Variants in DNMBP observed in about 807,000 individuals in gnomAD.
The protein encoded by DNMBP is dynamin-binding protein.
DNMBP carries 87 observed loss-of-function variants against 150.0 expected under a neutral mutation model. The observed-to-expected ratio is 0.58, with a 90% CI of 0.49 to 0.69. The LOEUF (loss-of-function observed/expected upper bound fraction) is 0.69. DNMBP is among the 30% of genes least tolerant of loss of function. DNMBP has a pLI of 0.00. For missense variants in DNMBP, 1,774 were observed against 1,949.0 expected (o/e 0.91, Z 1.69); for synonymous variants, 711 against 750.4 (o/e 0.95, Z 0.86).
rs537303402 is a variant in DNMBP, at chr10:99,876,258, G to C, written c.*893C>G. ...GGGGGGCCACCAGACATCACAGACT[G>C]TGTAAAGACCATCAGAAAGGTGTCA... On this transcript the variant is annotated 3_prime_UTR_variant, in exon 17 of 17. Coordinates refer to ENST00000324109, the MANE Select transcript of DNMBP (RefSeq NM_015221.4). The C allele has an allele frequency of 6.6e-6, 1 of 152,290 alleles. No homozygotes were observed. The highest frequency in any genetic ancestry group is 6.5e-5 in the Admixed American group (1 of 15,298). 9.4% of individuals were successfully genotyped at this position (152,290 alleles called of 1,614,324 possible).
In DNMBP at chr10:99,955,343, C is replaced by T. The variant is rs774146697; in HGVS notation, c.2131G>A (p.Ala711Thr). 3.7e-6 allele frequency: 6 copies of T among 1,614,062 alleles called. No individual in the cohort carries two copies. In the African/African-American group the frequency reaches 4.0e-5, roughly 11 times the overall value. The change falls in exon 4 of 17, where the codon GCT becomes ACT. Residue 711 changes from alanine to threonine, a missense_variant. Around this residue, in one of 2 missense-constraint regions of DNMBP, gnomAD observed 1,430 missense variants for 1,492.5 expected, o/e 0.96. Coordinates refer to ENST00000324109, the MANE Select transcript of DNMBP (RefSeq NM_015221.4). ...MERDLDMYSR[A>T]QEELNLMLEE... Reference sequence around the variant, plus strand: ...AGCATGAGGTTTAGCTCTTCTTGAGCTCTACTGTACATATCCAAGTCCCGC... The same window carrying T: ...AGCATGAGGTTTAGCTCTTCTTGAGTTCTACTGTACATATCCAAGTCCCGC...
At chr10:99,901,267 A>T (rs908325471) in intron 6 of DNMBP, among the ~76,000 whole-genome samples, 3 of 152,168 alleles carry the variant, frequency 2.0e-5, no homozygotes, top group African/African-American at 7.2e-5. Context: ...AACCAAATGT[A>T]GCACTGAGTC....
intron 4 of DNMBP, among the ~76,000 whole-genome samples, chr10:99,941,137 G>A (rs149425631): frequency 0.017 from 2,550 of 152,124 alleles, 38 homozygotes; most frequent in African/African-American, 0.037. Flanking sequence ...CGCCCGCCTC[G>A]GCTTCCCAAA....
chr10:99,940,225 G>T (rs985034274), intron 4 of DNMBP, among the ~76,000 whole-genome samples: 2 of 152,314 alleles, frequency 1.3e-5, no homozygotes. Flanking sequence ...TAGATGCTAG[G>T]TAGAGGGCAA....
rs1464029517 is a variant in DNMBP at position 99,982,281 on chromosome 10, T to C, written c.-10-10147A>G. ...GCAACATGGTGAAATCCTGTCTCTA[T>C]AAAAACACAAAAATTAGCTGGGCGT... On this transcript the variant is annotated intron_variant, in intron 1 of 16. Transcript: ENST00000324109. 3.3e-5 allele frequency among the ~76,000 whole-genome samples: 5 copies of C among 150,922 alleles called. 1 individual carries two copies. In the Middle Eastern group the frequency reaches 0.01, roughly 312 times the overall value.
At chr10:99,885,575 T>C (rs1323223476) in intron 14 of DNMBP, 112 bp downstream of exon 14, 3 of 1,053,160 alleles carry the variant, frequency 2.8e-6, no homozygotes, top group Non-Finnish European at 4.0e-6. Flanking sequence ...CTATTCTCCA[T>C]TTATTATGAA....
chr10:99,886,402 G>C lies in DNMBP; in HGVS notation c.3516C>G (p.His1172Gln), dbSNP rs142855943. ...TGGTGAAGAGGCCCTGGGCGTACTG[G>C]TGGAACTTGGGCAGCTCATCCAGCA... ...AQLLDELPKFHQYAQGLFTNC... is the reference protein window; with the variant it reads ...AQLLDELPKFQQYAQGLFTNC... Residue 1172 changes from histidine to glutamine, a missense_variant, in exon 13 of 17, where the codon CAC (histidine) becomes CAG (glutamine). Around this residue, in one of 2 missense-constraint regions of DNMBP, gnomAD observed 1,430 missense variants for 1,492.5 expected, o/e 0.96. Transcript: ENST00000324109. 6.2e-7 allele frequency: 1 copy of C among 1,614,156 alleles called. No homozygotes were observed. Among genetic ancestry groups the C allele is most frequent in the African/African-American group, 1.3e-5 (1 of 75,054 alleles).
chr10:99,927,592 T>C (rs1160549323), intron 4 of DNMBP, among the ~76,000 whole-genome samples: 1 of 152,164 alleles, frequency 6.6e-6, no homozygotes, highest in Non-Finnish European at 1.5e-5. Context: ...CCTTGTAATA[T>C]TCAGGAAGGG....
At chr10:99,891,164 C>A (rs537693592) in intron 11 of DNMBP, among the ~76,000 whole-genome samples, 1 of 148,398 alleles carries the variant, frequency 6.7e-6, no homozygotes, top group African/African-American at 2.5e-5. Context: ...CTCTCCCTCT[C>A]CCCCTCTCCC....
intron 3 of DNMBP, among the ~76,000 whole-genome samples, chr10:99,967,637 A>G (rs2040632379): frequency 6.6e-6 from 1 of 151,576 alleles, no homozygotes; most frequent in South Asian, 2.1e-4. Context: ...TCTTATCACT[A>G]AGGGTTAGAG....
chr10:99,936,551 G>A (rs1300650189), intron 4 of DNMBP, among the ~76,000 whole-genome samples: 1 of 136,410 alleles, frequency 7.3e-6, no homozygotes, highest in African/African-American at 2.8e-5. Context: ...GTCTCACTCT[G>A]TTGCCCAGGC....
intron 11 of DNMBP, among the ~76,000 whole-genome samples, chr10:99,893,658 C>T (rs1383837506): frequency 1.3e-5 from 2 of 152,128 alleles, no homozygotes; most frequent in African/African-American, 2.4e-5. Flanking sequence ...ACCCAGGAGG[C>T]GGAGGTTGCA....
chr10:99,936,515 C>CTTTTTTTT (rs34804787), intron 4 of DNMBP, among the ~76,000 whole-genome samples: 2 of 134,356 alleles, frequency 1.5e-5, no homozygotes, highest in African/African-American at 2.8e-5. Context: ...TTTCTTTTTT[C>CTTTTTTTT]TTTTTTTTTT....
At chr10:99,951,268 T>C (rs890594359) in intron 4 of DNMBP, among the ~76,000 whole-genome samples, 4 of 152,172 alleles carry the variant, frequency 2.6e-5, no homozygotes, top group African/African-American at 9.7e-5. Flanking sequence ...CAGGCAGAAG[T>C]TTGCTGCAGG....
rs1262667538 is a variant in DNMBP at position 99,956,240 on chromosome 10, TAC to T, written c.1232_1233del (p.Gly411AspfsTer43). ...PTSDPTEVVNGISSQPQVPFH... is the reference protein window; with the variant it reads ...PTSDPTEVVNXISSQPQVPFH... The stretch of plus-strand genomic sequence containing the variant: ...AAAGGGACCTGAGGTTGGGAGGAAA[TAC>T]CATTGACTACTTCTGTAGGGTCAGA... On this transcript the variant is annotated frameshift_variant, in exon 4 of 17. Transcript: ENST00000324109. LOFTEE classifies it high-confidence loss of function. 6.2e-7 allele frequency: 1 copy of T among 1,613,700 alleles called. No homozygotes were observed. The highest frequency in any genetic ancestry group is 8.5e-7 in the Non-Finnish European group (1 of 1,179,960).
In DNMBP at chr10:99,878,719, A is replaced by C. The variant is rs1345645608; in HGVS notation, c.4548+1092T>G. On this transcript the variant is annotated intron_variant, in intron 16 of 16. Coordinates refer to ENST00000324109, the MANE Select transcript of DNMBP (RefSeq NM_015221.4). ...CTTCTGGAGATGAGCTCGCAGACAA[A>C]CCTGACAGTCAACACAGGAAGATGC... 2.6e-5 allele frequency among the ~76,000 whole-genome samples: 4 copies of C among 152,126 alleles called. No homozygotes were observed. In the East Asian group the frequency reaches 7.7e-4, roughly 29 times the overall value.
At chr10:99,921,408 A>C (rs750316466) in intron 4 of DNMBP, among the ~76,000 whole-genome samples, 3 of 152,190 alleles carry the variant, frequency 2.0e-5, no homozygotes, top group Non-Finnish European at 2.9e-5. Context: ...ATATTTATTG[A>C]GCATCTATTA....
At chr10:99,998,898 T>C (rs1198359623) in intron 1 of DNMBP, among the ~76,000 whole-genome samples, 1 of 152,246 alleles carries the variant, frequency 6.6e-6, no homozygotes, top group East Asian at 1.9e-4. Context: ...GTTGGATACA[T>C]GGACGTCAGA....
intron 4 of DNMBP, among the ~76,000 whole-genome samples, chr10:99,951,877 T>C (rs1034399282): frequency 6.6e-6 from 1 of 152,134 alleles, no homozygotes; most frequent in Non-Finnish European, 1.5e-5. Context: ...TGGGAAGGCA[T>C]GATTAGTTTT....
Sources: gnomAD v4.1 joint callset for allele counts (sites outside exome capture counted in the v4.1 genomes callset) on GRCh38, gnomAD v4.1.1 for gene constraint, gnomAD v4.1.1 regional missense constraint, MANE v1.5 for transcripts, NCBI Gene and HGNC (gene_info 2026-07-23, HGNC 2026-07-21) for gene names.